MID1: variants seen among roughly 807,000 people sequenced by gnomAD.
MID1 encodes E3 ubiquitin-protein ligase Midline-1.
Under a neutral mutation model 40.4 loss-of-function variants are expected in MID1, and 7 were observed. That is an observed-to-expected ratio of 0.17 (90% CI 0.10 to 0.33). MID1 has a LOEUF of 0.33. Ranked by LOEUF, MID1 falls within the 10% of genes least tolerant of loss-of-function variation. The pLI is 1.00. For synonymous variants in MID1, 229 were observed against 221.2 expected (o/e 1.04, Z -0.31); for missense variants, 367 against 558.5 (o/e 0.66, Z 3.46).
chrX:10,507,820 C>T (rs1931918938), intron 3 of MID1, among the ~76,000 whole-genome samples: 1 of 112,652 alleles, frequency 8.9e-6, no homozygotes, highest in Non-Finnish European at 1.9e-5. Flanking sequence ...CTGGGAACCA[C>T]ACACATCTTC....
chrX:10,558,665 C>A (rs745519569), intron 2 of MID1, among the ~76,000 whole-genome samples: 1 of 113,038 alleles, frequency 8.8e-6, no homozygotes, highest in African/African-American at 3.2e-5. Context: ...TTCTAACAGT[C>A]GTTCTGACAT....
rs200913183 is a variant in MID1, at chrX:10,608,622, A to AT, written c.-57+11667dup. ...GTAAAGGGTGCAGACTGCCCAGTACATTTTTTTGCAACTTCCTATGGATCT... is the reference window on the plus strand; with the variant it reads ...GTAAAGGGTGCAGACTGCCCAGTACATTTTTTTTGCAACTTCCTATGGATCT... On this transcript the variant is annotated intron_variant, in intron 1 of 9. Transcript: ENST00000317552. 7.8e-3 allele frequency among the ~76,000 whole-genome samples: 872 copies of AT among 111,352 alleles called. 5 individuals are homozygous for AT. The highest frequency in any genetic ancestry group is 0.012 in the Non-Finnish European group (615 of 53,033).
chrX:10,756,774 T>C lies in MID1; in HGVS notation c.-187+76780A>G, dbSNP rs746736430. On this transcript the variant is annotated intron_variant, in intron 1 of 10. Transcript: ENST00000380785. The stretch of plus-strand genomic sequence containing the variant: ...CATCAGATATAAAGTCAGGCCTTTA[T>C]GTTGTGGGCTGAAAGCTCAGGTGGC... 4.0e-4 allele frequency among the ~76,000 whole-genome samples: 45 copies of C among 112,041 alleles called. 1 individual carries two copies. Among genetic ancestry groups the C allele is most frequent in the Non-Finnish European group, 1.9e-4 (10 of 53,219 alleles).
intron 1 of MID1, among the ~76,000 whole-genome samples, chrX:10,697,387 T>C (rs1466384590): frequency 9.0e-6 from 1 of 111,171 alleles, no homozygotes; most frequent in African/African-American, 3.3e-5. Context: ...AAAAGAAATA[T>C]TGAGAAAAAC....
rs1465560188 is a variant in MID1, at chrX:10,833,612, G to GACAA, written c.-249_-246dup. ...TGTTCCTCAGTTCTGATCTGGAAGA[G>GACAA]ACAAACCTGTAGGTCCTTCAAGCAG... On this transcript the variant is annotated 5_prime_UTR_variant, in exon 1 of 11. Transcript: ENST00000380785. The GACAA allele has an allele frequency of 2.7e-5, 3 of 112,385 alleles. No homozygotes were observed. In the East Asian group the frequency reaches 8.5e-4, roughly 32 times the overall value. 9.3% of individuals were successfully genotyped at this position (112,385 alleles called of 1,213,427 possible).
intron 2 of MID1, among the ~76,000 whole-genome samples, chrX:10,560,251 G>A (rs1350921129): frequency 1.8e-5 from 2 of 109,774 alleles, no homozygotes; most frequent in African/African-American, 6.6e-5. Context: ...CTATGAAGAG[G>A]ACTTGAAAAT....
chrX:10,801,849 G>A (rs1235650000), intron 1 of MID1, among the ~76,000 whole-genome samples: 1 of 111,992 alleles, frequency 8.9e-6, no homozygotes, highest in Non-Finnish European at 1.9e-5. Flanking sequence ...ATTGACAAGT[G>A]GGACTTAATT....
At chrX:10,638,510 G>T (rs1390816769) in intron 1 of MID1, among the ~76,000 whole-genome samples, 1 of 112,243 alleles carries the variant, frequency 8.9e-6, no homozygotes, top group South Asian at 3.7e-4. Context: ...CTGCCAGGAA[G>T]CTCAAACTGG....
At chrX:10,693,108 G>A (rs2043140966) in intron 1 of MID1, among the ~76,000 whole-genome samples, 1 of 108,881 alleles carries the variant, frequency 9.2e-6, no homozygotes, top group African/African-American at 3.3e-5. Flanking sequence ...TGATCGATTT[G>A]TTTATAAAAA....
intron 1 of MID1, among the ~76,000 whole-genome samples, chrX:10,724,919 G>T (rs1765756503): frequency 8.9e-6 from 1 of 111,842 alleles, no homozygotes; most frequent in South Asian, 3.7e-4. Context: ...TTGGGGACAG[G>T]TTCAATTTGT....
chrX:10,696,137 G>T (rs1459470431), intron 1 of MID1, among the ~76,000 whole-genome samples: 1 of 111,527 alleles, frequency 9.0e-6, no homozygotes, highest in Non-Finnish European at 1.9e-5. Context: ...AAGATCTCAG[G>T]AGTTGGGCGA....
At chrX:10,740,692 T>A (rs779102843) in intron 1 of MID1, among the ~76,000 whole-genome samples, 1 of 111,328 alleles carries the variant, frequency 9.0e-6, no homozygotes, top group South Asian at 3.8e-4. Flanking sequence ...GTTGTTAGGA[T>A]TGAATATATT....
chrX:10,485,264 G>C (rs1031435152), intron 4 of MID1, among the ~76,000 whole-genome samples: 1 of 112,343 alleles, frequency 8.9e-6, no homozygotes, highest in African/African-American at 3.2e-5. Flanking sequence ...AGATGGCCCT[G>C]ATTTGCAGCA....
chrX:10,462,949 T>C (rs1298158572), intron 7 of MID1, among the ~76,000 whole-genome samples: 1 of 111,808 alleles, frequency 8.9e-6, no homozygotes. Context: ...TCTAAGTGAC[T>C]ACAATAAATT....
At chrX:10,505,682 G>C in intron 3 of MID1, 1 of 754,026 alleles carries the variant, frequency 1.3e-6, no homozygotes, top group Non-Finnish European at 1.6e-6. Flanking sequence ...ACCATTAATG[G>C]AGTGCCAGGA....
chrX:10,482,770 G>T, intron 4 of MID1, 142 bp from the exon 5 acceptor site: 1 of 602,204 alleles, frequency 1.7e-6, no homozygotes, highest in Non-Finnish European at 2.7e-6. Context: ...TCAAAATATG[G>T]AAAGCTCCGT....
intron 1 of MID1, among the ~76,000 whole-genome samples, chrX:10,658,428 T>TAAAAA (rs35116185): frequency 3.6e-4 from 2 of 5,578 alleles, no homozygotes; most frequent in Non-Finnish European, 5.3e-4. Context: ...CCTTCAACTG[T>TAAAAA]AAAAAAAAAA....
intron 1 of MID1, among the ~76,000 whole-genome samples, chrX:10,802,670 A>G (rs2044017162): frequency 8.9e-6 from 1 of 112,005 alleles, no homozygotes; most frequent in Non-Finnish European, 1.9e-5. Context: ...CAATCCCATT[A>G]CTGGTTATAT....
intron 1 of MID1, among the ~76,000 whole-genome samples, chrX:10,607,838 C>T (rs760443347): frequency 1.1e-3 from 126 of 112,000 alleles, no homozygotes; most frequent in African/African-American, 4.0e-3. Context: ...GTCTAATGTT[C>T]GGATATATTT....
Sources: allele counts gnomAD v4.1 joint callset (sites outside exome capture counted in the v4.1 genomes callset), GRCh38; gene constraint gnomAD v4.1.1; transcripts MANE v1.5; gene names NCBI Gene and HGNC (gene_info 2026-07-23, HGNC 2026-07-21).